NCBP2: variants seen among roughly 807,000 people sequenced by gnomAD.
The protein encoded by NCBP2 is nuclear cap binding protein subunit 2, also known as nuclear cap-binding protein subunit 2.
Under a neutral mutation model 21.5 loss-of-function variants are expected in NCBP2, and 8 were observed. The ratio of observed to expected loss-of-function variants is 0.37; its 90% confidence interval spans 0.22 to 0.67. NCBP2 has a LOEUF of 0.67. Ranked by LOEUF, NCBP2 falls within the 30% of genes least tolerant of loss-of-function variation. The pLI, the probability that NCBP2 is intolerant of heterozygous loss-of-function variation, is 0.56. For missense variants in NCBP2, 127 were observed against 206.9 expected (o/e 0.61, Z 2.37); for synonymous variants, 92 against 75.8 (o/e 1.21, Z -1.11).
rs893474703 is a variant in NCBP2, at chr3:196,936,852, T to C, written c.*159A>G. 29 of 657,786 alleles carry C rather than the reference T, an allele frequency of 4.4e-5. No individual in the cohort carries two copies. In the African/African-American group the frequency reaches 5.1e-4, roughly 12 times the overall value. 40.7% of individuals were successfully genotyped at this position (657,786 alleles called of 1,614,324 possible). A position where few individuals can be genotyped will look rare whatever the true frequency, so the allele number is the denominator to read the frequency against. On this transcript the variant is annotated 3_prime_UTR_variant, in exon 4 of 4. Transcript: ENST00000321256. ...CTCAGACAAGAATTAAAGGCATTCTTTTGGATTCTGTCCTTTAATAACTTT... is the reference window on the plus strand; with the variant it reads ...CTCAGACAAGAATTAAAGGCATTCTCTTGGATTCTGTCCTTTAATAACTTT...
rs1406024909 is a variant in NCBP2 at position 196,935,434 on chromosome 3, A to G, written c.*1577T>C. 3 of 152,212 alleles carry G rather than the reference A, an allele frequency of 2.0e-5. No individual in the cohort carries two copies. Among genetic ancestry groups the G allele is most frequent in the African/African-American group, 7.2e-5 (3 of 41,464 alleles). The allele number at this position is 152,212 out of a possible 1,614,324, so 9.4% of individuals were successfully genotyped here. A position where few individuals can be genotyped will look rare whatever the true frequency, so the allele number is the denominator to read the frequency against. On this transcript the variant is annotated 3_prime_UTR_variant, in exon 4 of 4. Transcript: ENST00000321256. ...AGTTCATCCAGCTTTATTGAAACCTATTACAGAAGACAATCCGAATAAAAC... is the reference window on the plus strand; with the variant it reads ...AGTTCATCCAGCTTTATTGAAACCTGTTACAGAAGACAATCCGAATAAAAC...
intron 3 of NCBP2, 144 bp from the exon 4 acceptor site, chr3:196,937,226 ACTT>A: frequency 1.2e-6 from 1 of 867,122 alleles, no homozygotes; most frequent in Non-Finnish European, 1.9e-6. Context: ...ACTTCAGCTC[ACTT>A]CAGTGCGTTT....
In NCBP2 at chr3:196,937,508, A is replaced by G; in HGVS notation, c.399+2T>C. ...CTGAGCCCAGAGACCCTTCTTGCAT[A>G]CCTGGCCCCCAGATCGCCCACGGCC... is the stretch of plus-strand genomic sequence containing the variant. On this transcript the variant is annotated splice_donor_variant, in intron 3 of 3. Transcript: ENST00000321256. LOFTEE classifies it high-confidence loss of function. The G allele has an allele frequency of 6.2e-7, 1 of 1,614,026 alleles. No homozygotes were observed. Among genetic ancestry groups the G allele is most frequent in the Non-Finnish European group, 8.5e-7 (1 of 1,180,016 alleles).
intron 1 of NCBP2, among the ~76,000 whole-genome samples, chr3:196,940,784 T>C (rs560518744): frequency 6.6e-6 from 1 of 152,356 alleles, no homozygotes; most frequent in Admixed American, 6.5e-5. Flanking sequence ...TCTAAAGTAG[T>C]AACTAAAAGT....
chr3:196,937,420 T>C (rs75616838), intron 3 of NCBP2, 90 bp downstream of exon 3: 39,605 of 1,558,674 alleles, frequency 0.025, 560 homozygotes, highest in Non-Finnish European at 0.029. Context: ...CAAAGTTATT[T>C]ACAAAAGAGT....
rs1716418208 is a variant in NCBP2, at chr3:196,939,340, A to G, written c.171T>C (p.Tyr57=). 1 of 1,613,182 alleles carries G rather than the reference A, an allele frequency of 6.2e-7. No individual in the cohort carries two copies. The highest frequency in any genetic ancestry group is 1.7e-5 in the Admixed American group (1 of 60,008). ...TGTCACCACTTTTGCTGAAGAGTTC[A>G]TAGATTTGTTCTTCAGTTGTGTAAA... ...LSFYTTEEQI[Y]ELFSKSGDIK... is the part of the protein sequence containing the mutation. Residue 57 remains tyrosine (Y), a synonymous_variant, in exon 2 of 4, where the codon TAT becomes TAC. Coordinates refer to ENST00000321256, the MANE Select transcript of NCBP2 (RefSeq NM_007362.5).
intron 2 of NCBP2, chr3:196,938,471 C>G (rs771674399): frequency 1.3e-5 from 2 of 152,006 alleles, no homozygotes; most frequent in Non-Finnish European, 2.9e-5. Context: ...AATTGAATGA[C>G]CAAAACATAC....
intron 1 of NCBP2, among the ~76,000 whole-genome samples, chr3:196,940,306 A>T (rs968708642): frequency 5.3e-5 from 8 of 151,996 alleles, no homozygotes; most frequent in Admixed American, 5.2e-4. Context: ...TGGGAGGTGG[A>T]GGTTGCAGGG....
chr3:196,937,723 G>A (rs1191190777), intron 2 of NCBP2, 75 bp from the exon 3 acceptor site: 7 of 1,568,458 alleles, frequency 4.5e-6, no homozygotes, highest in South Asian at 1.1e-5. Context: ...ATGAAGCTGA[G>A]TTGTTAAAAA....
At chr3:196,941,862 TGGC>T in intron 1 of NCBP2, 1 of 1,512,870 alleles carries the variant, frequency 6.6e-7, no homozygotes, top group Admixed American at 2.0e-5. Context: ...GTGCCGAGCT[TGGC>T]GGGTCCACCT....
At chr3:196,939,051 T>C (rs1011026783) in intron 2 of NCBP2, 200 bp downstream of exon 2, 3 of 458,528 alleles carry the variant, frequency 6.5e-6, no homozygotes, top group Non-Finnish European at 7.6e-6. Context: ...GAAAAACTTT[T>C]TGTTAAAGAA....
At chr3:196,942,194 C>A in intron 1 of NCBP2, 1 of 1,454,058 alleles carries the variant, frequency 6.9e-7, no homozygotes, top group Non-Finnish European at 9.0e-7. Flanking sequence ...GGAGCGGCTG[C>A]GAGCGAATGG....
chr3:196,941,007 G>T (rs927513363), intron 1 of NCBP2: 1 of 152,208 alleles, frequency 6.6e-6, no homozygotes, highest in African/African-American at 2.4e-5. Context: ...GGCTCAGGAG[G>T]TTGAGGCTGC....
chr3:196,937,048 C>T lies in NCBP2; in HGVS notation c.434G>A (p.Gly145Glu), dbSNP rs1716297787. 38 of 1,614,164 alleles carry T rather than the reference C, an allele frequency of 2.4e-5. No individual in the cohort carries two copies. The highest frequency in any genetic ancestry group is 3.1e-5 in the Non-Finnish European group (37 of 1,180,026). ...RDEYRQDYDAGRGGYGKLAQN... is the reference protein window; with the variant it reads ...RDEYRQDYDAERGGYGKLAQN... ...TGCCAGTTTTCCATAGCCTCCTCTC[C>T]CAGCATCGTAGTCCTGCCGATACTC... The change falls in exon 4 of 4, where the codon GGG (glycine) becomes GAG (glutamate). Residue 145 changes from glycine (G) to glutamate (E), a missense_variant. Gly to Glu is a moderately conservative substitution (Grantham distance 98). Transcript: ENST00000321256.
intron 2 of NCBP2, chr3:196,937,876 G>C (rs1716341943): frequency 1.9e-6 from 1 of 538,544 alleles, no homozygotes; most frequent in East Asian, 3.3e-5. Context: ...GGACATTCCT[G>C]TTGATAATTT....
In NCBP2 at chr3:196,937,584, G is replaced by A. The variant is rs1447181833; in HGVS notation, c.325C>T (p.Arg109Ter). The part of the protein sequence containing the change: ...RYINGTRLDD[R>*]IIRTDWDAGF... ...GCGTCCCAGTCTGTGCGAATGATTC[G>A]GTCATCCAGACGCGTCCCATTTATG... The change falls in exon 3 of 4, where the codon CGA becomes TGA. Residue 109 changes from arginine (R) to a stop codon, truncating the protein, a stop_gained. Transcript: ENST00000321256. LOFTEE classifies it high-confidence loss of function. 3.1e-6 allele frequency: 5 copies of A among 1,614,144 alleles called. No homozygotes were observed. The highest frequency in any genetic ancestry group is 2.2e-5 in the East Asian group (1 of 44,884).
At chr3:196,937,397 A>G in intron 3 of NCBP2, 113 bp downstream of exon 3, 1 of 1,492,722 alleles carries the variant, frequency 6.7e-7, no homozygotes, top group East Asian at 2.3e-5. Flanking sequence ...ACTTCAAGCC[A>G]AGGTTATAGA....
intron 1 of NCBP2, among the ~76,000 whole-genome samples, chr3:196,940,534 A>G (rs1376785354): frequency 3.5e-5 from 5 of 144,480 alleles, no homozygotes; most frequent in African/African-American, 1.2e-4. Flanking sequence ...TTTCTCACAC[A>G]TGTAAGTAAG....
In NCBP2 at chr3:196,939,124, G is replaced by C. The variant is rs1716406390; in HGVS notation, c.260+127C>G. ...ATCAGCTTTACAGTATAAGGGCAGA[G>C]ACACACTGGGTGGAAAGTAGGAGGG... On this transcript the variant is annotated intron_variant, in intron 2 of 3. Coordinates refer to ENST00000321256, the MANE Select transcript of NCBP2 (RefSeq NM_007362.5). The C allele has an allele frequency of 1.1e-5, 8 of 741,910 alleles. No individual in the cohort carries two copies. The South Asian group carries it at 1.2e-4, about 11-fold the overall frequency. 46.0% of individuals were successfully genotyped at this position (741,910 alleles called of 1,614,324 possible).
Sources: allele counts gnomAD v4.1 joint callset (sites outside exome capture counted in the v4.1 genomes callset), GRCh38; gene constraint gnomAD v4.1.1; transcripts MANE v1.5; gene names NCBI Gene and HGNC (gene_info 2026-07-23, HGNC 2026-07-21).